Variants in ACSM3 observed in about 807,000 individuals in gnomAD.
ACSM3 encodes the protein acyl-CoA synthetase medium chain family member 3, also known as acyl-coenzyme A synthetase ACSM3, mitochondrial.
ACSM3 carries 61 observed loss-of-function variants against 74.1 expected under a neutral mutation model. The observed-to-expected ratio is 0.82, with a 90% CI of 0.67 to 1.02. The LOEUF (loss-of-function observed/expected upper bound fraction) is 1.02. ACSM3 is among the 50% of genes least tolerant of loss of function. The pLI is 0.00. For synonymous variants in ACSM3, 213 were observed against 241.5 expected (o/e 0.88, Z 1.09); for missense variants, 660 against 697.0 (o/e 0.95, Z 0.60).
chr16:20,676,928 C>A (rs2020317398), intron 1 of ACSM3, among the ~76,000 whole-genome samples: 1 of 152,140 alleles, frequency 6.6e-6, no homozygotes, highest in South Asian at 2.1e-4. Flanking sequence ...ACTCCCTGCA[C>A]CTGCTGTGAA....
At chr16:20,767,692 C>T (rs1305311490) in intron 1 of ACSM3, among the ~76,000 whole-genome samples, 1 of 152,016 alleles carries the variant, frequency 6.6e-6, no homozygotes, top group Non-Finnish European at 1.5e-5. Context: ...TAAAGCCTGC[C>T]AAGAAATTTT....
chr16:20,776,069 C>T lies in ACSM3; in HGVS notation c.430+20C>T, dbSNP rs377752221. On this transcript the variant is annotated intron_variant, in intron 3 of 13. Transcript: ENST00000289416. Reference sequence around the variant, plus strand: ...GAACAGGTTAGTAATGTTTGCTTTCCGATCATATTTATTACTAAGCTGGAG... The same window carrying T: ...GAACAGGTTAGTAATGTTTGCTTTCTGATCATATTTATTACTAAGCTGGAG... 96 of 1,611,430 alleles carry T rather than the reference C, an allele frequency of 6.0e-5. No individual in the cohort carries two copies. Among genetic ancestry groups the T allele is most frequent in the South Asian group, 2.2e-4 (20 of 90,988 alleles).
chr16:20,741,503 C>G, intron 1 of ACSM3: 1 of 1,459,302 alleles, frequency 6.9e-7, no homozygotes, highest in Non-Finnish European at 9.0e-7. Context: ...ACCCCGGGAC[C>G]GGTACCTTTT....
chr16:20,748,010 A>C (rs928679701), intron 1 of ACSM3, among the ~76,000 whole-genome samples: 2 of 151,970 alleles, frequency 1.3e-5, no homozygotes, highest in African/African-American at 4.8e-5. Flanking sequence ...GGTGGTGCAC[A>C]CCTGTGGTCC....
intron 3 of ACSM3, among the ~76,000 whole-genome samples, chr16:20,776,737 C>T (rs921552340): frequency 3.9e-5 from 6 of 152,106 alleles, no homozygotes; most frequent in African/African-American, 1.4e-4. Flanking sequence ...GTCCCAAGTC[C>T]CAGCTATAAG....
At chr16:20,710,332 G>A (rs1416154009) in intron 1 of ACSM3, among the ~76,000 whole-genome samples, 1 of 151,940 alleles carries the variant, frequency 6.6e-6, no homozygotes, top group Non-Finnish European at 1.5e-5. Context: ...AGGCATTTTG[G>A]GTTGTATAAT....
intron 1 of ACSM3, chr16:20,729,181 A>T: frequency 2.9e-6 from 2 of 687,544 alleles, no homozygotes; most frequent in South Asian, 3.1e-5. Context: ...TGTTATACCC[A>T]TTTCTGTTCT....
chr16:20,712,858 A>T (rs1409356781), intron 1 of ACSM3, among the ~76,000 whole-genome samples: 1 of 151,582 alleles, frequency 6.6e-6, no homozygotes, highest in African/African-American at 2.4e-5. Context: ...GGTTTCAGTG[A>T]GCTGAGATGG....
rs757582668 is a variant in ACSM3 at position 20,792,282 on chromosome 16, C to G, written c.1501C>G (p.Pro501Ala). 25 of 1,614,056 alleles carry G rather than the reference C, an allele frequency of 1.5e-5. No homozygotes were observed. The highest frequency in any genetic ancestry group is 1.9e-5 in the Non-Finnish European group (23 of 1,179,956). Reference protein sequence around the residue: ...FEVENALNEHPSVAESAVVSS... With the variant: ...FEVENALNEHASVAESAVVSS... ...GGTAGAAAATGCCCTGAATGAACAC[C>G]CTTCAGTTGCAGAGTCAGCTGTTGT... Residue 501 changes from proline to alanine, a missense_variant, in exon 12 of 14, where the codon CCT becomes GCT. Physicochemically the swap from Pro to Ala is conservative, Grantham distance 27. Coordinates refer to ENST00000289416, the MANE Select transcript of ACSM3 (RefSeq NM_005622.4).
At chr16:20,783,991 A>C (rs2080412531) in intron 7 of ACSM3, among the ~76,000 whole-genome samples, 1 of 152,114 alleles carries the variant, frequency 6.6e-6, no homozygotes, top group Non-Finnish European at 1.5e-5. Context: ...TTTTTAGTGG[A>C]GATGGGGTTC....
intron 1 of ACSM3, chr16:20,749,218 A>G (rs1178889516): frequency 1.3e-5 from 2 of 152,176 alleles, no homozygotes; most frequent in Non-Finnish European, 2.9e-5. Context: ...ATATATGAAA[A>G]TGATGGTTAA....
chr16:20,796,355 A>C lies in ACSM3; in HGVS notation c.1555-15A>C. 1 of 1,601,806 alleles carries C rather than the reference A, an allele frequency of 6.2e-7. No homozygotes were observed. Among genetic ancestry groups the C allele is most frequent in the Non-Finnish European group, 8.5e-7 (1 of 1,176,706 alleles). ...GCATAACTCATTTTCCTGGTGTTTCAAATATTTATTTTAGGTAGTAAAGGC... is the reference window on the plus strand; with the variant it reads ...GCATAACTCATTTTCCTGGTGTTTCCAATATTTATTTTAGGTAGTAAAGGC... On this transcript the variant is annotated splice_polypyrimidine_tract_variant and intron_variant, in intron 12 of 13. Coordinates refer to ENST00000289416, the MANE Select transcript of ACSM3 (RefSeq NM_005622.4).
intron 9 of ACSM3, chr16:20,789,684 CTTT>C (rs561663756): frequency 0.01 from 4,513 of 437,852 alleles, no homozygotes; most frequent in East Asian, 0.013. Flanking sequence ...CTCTATTTTT[CTTT>C]TTTTTTTTTT....
chr16:20,710,923 A>G (rs771552574), intron 1 of ACSM3, among the ~76,000 whole-genome samples: 3 of 152,070 alleles, frequency 2.0e-5, no homozygotes, highest in Non-Finnish European at 4.4e-5. Flanking sequence ...CATCTCTACT[A>G]AGAATACAAA....
chr16:20,687,922 A>C (rs1418257854), intron 1 of ACSM3, among the ~76,000 whole-genome samples: 1 of 152,052 alleles, frequency 6.6e-6, no homozygotes, highest in African/African-American at 2.4e-5. Flanking sequence ...CATCTCTATT[A>C]AAAGTACAAA....
At position 20,741,667 on chromosome 16, in the gene ACSM3, C is replaced by T. The variant is rs1206674026; in HGVS notation, c.-189-8243C>T. On this transcript the variant is annotated intron_variant, in intron 1 of 3. Transcript: ENST00000561584. ...GCGTCGCAGCGCCGAGCGCGCTTGG[C>T]CAGCACATACTGAGCCTTGCCTTTG... 2.5e-6 allele frequency: 4 copies of T among 1,583,864 alleles called. No individual in the cohort carries two copies. Among genetic ancestry groups the T allele is most frequent in the Non-Finnish European group, 3.4e-6 (4 of 1,165,346 alleles).
At chr16:20,745,796 G>A (rs1371136349) in intron 1 of ACSM3, among the ~76,000 whole-genome samples, 2 of 152,124 alleles carry the variant, frequency 1.3e-5, no homozygotes, top group Non-Finnish European at 2.9e-5. Flanking sequence ...CAAAGTTACT[G>A]TCCCTGAAGT....
chr16:20,739,163 T>G, intron 1 of ACSM3: 2 of 1,277,164 alleles, frequency 1.6e-6, no homozygotes, highest in South Asian at 1.5e-5. Flanking sequence ...TGGCGGCAGG[T>G]GGCTCAGTAT....
intron 1 of ACSM3, among the ~76,000 whole-genome samples, chr16:20,683,251 G>A (rs2079482617): frequency 6.6e-6 from 1 of 151,860 alleles, no homozygotes; most frequent in Non-Finnish European, 1.5e-5. Flanking sequence ...TCCAGCAGCT[G>A]GGATTAAAGG....
Sources: allele counts gnomAD v4.1 joint callset (sites outside exome capture counted in the v4.1 genomes callset), GRCh38; gene constraint gnomAD v4.1.1; transcripts MANE v1.5; gene names NCBI Gene and HGNC (gene_info 2026-07-23, HGNC 2026-07-21).